Variants in UNC5D observed in about 807,000 individuals in gnomAD.
The protein encoded by UNC5D is netrin receptor UNC5D.
UNC5D carries 39 observed loss-of-function variants against 105.4 expected under a neutral mutation model. The observed-to-expected ratio is 0.37, with a 90% confidence interval of 0.29 to 0.48. The LOEUF is 0.48. Ranked by LOEUF, UNC5D falls within the 20% of genes least tolerant of loss-of-function variation. The pLI is 0.98. For missense variants in UNC5D, 991 were observed against 1,202.4 expected, an observed-to-expected ratio of 0.82 and a Z score of 2.60; for synonymous variants, 452 against 450.4, an observed-to-expected ratio of 1.00 and a Z score of -0.04.
intron 1 of UNC5D, among the ~76,000 whole-genome samples, chr8:35,368,143 G>A (rs1358564): frequency 0.53 from 80,760 of 152,010 alleles, 22,194 homozygotes; most frequent in East Asian, 0.7. Context: ...CAACTATAAT[G>A]AGAGTACTAT....
intron 1 of UNC5D, among the ~76,000 whole-genome samples, chr8:35,324,146 T>C (rs1809963520): frequency 6.9e-6 from 1 of 144,348 alleles, no homozygotes; most frequent in Admixed American, 7.4e-5. Flanking sequence ...TGCAGGAGTA[T>C]CACTGGAGCC....
intron 1 of UNC5D, among the ~76,000 whole-genome samples, chr8:35,489,017 T>A (rs1811019420): frequency 6.6e-6 from 1 of 151,962 alleles, no homozygotes; most frequent in Admixed American, 6.6e-5. Flanking sequence ...CAATTTTTTT[T>A]TTTTTTTGAG....
intron 1 of UNC5D, among the ~76,000 whole-genome samples, chr8:35,363,604 CATTGT>C (rs1363731623): frequency 6.6e-6 from 1 of 152,120 alleles, no homozygotes; most frequent in Non-Finnish European, 1.5e-5. Context: ...GCCTTCTCTG[CATTGT>C]ATTAGGAGGC....
chr8:35,468,328 C>T (rs1009418311), intron 1 of UNC5D, among the ~76,000 whole-genome samples: 2 of 152,154 alleles, frequency 1.3e-5, no homozygotes, highest in African/African-American at 4.8e-5. Flanking sequence ...CTCTGTTTGC[C>T]TGCACTCTTT....
At chr8:35,620,161 A>T (rs1347804415) in intron 4 of UNC5D, among the ~76,000 whole-genome samples, 2 of 152,192 alleles carry the variant, frequency 1.3e-5, no homozygotes, top group African/African-American at 4.8e-5. Flanking sequence ...TTTGACAAAG[A>T]CTTTGAAGAT....
At chr8:35,464,965 T>C (rs1809192350) in intron 1 of UNC5D, among the ~76,000 whole-genome samples, 1 of 152,218 alleles carries the variant, frequency 6.6e-6, no homozygotes, top group South Asian at 2.1e-4. Context: ...AATCCCCATA[T>C]GAGTTCTGGC....
At chr8:35,472,100 G>A (rs1315875040) in intron 1 of UNC5D, among the ~76,000 whole-genome samples, 1 of 152,166 alleles carries the variant, frequency 6.6e-6, no homozygotes, top group Non-Finnish European at 1.5e-5. Flanking sequence ...TACTTATGTA[G>A]AAATGAAAGA....
chr8:35,706,523 G>A (rs1275838482), intron 8 of UNC5D, among the ~76,000 whole-genome samples: 1 of 152,174 alleles, frequency 6.6e-6, no homozygotes, highest in Non-Finnish European at 1.5e-5. Context: ...GGAGAGAGGA[G>A]ATGGCTGGAA....
chr8:35,383,968 G>C (rs1803208015), intron 1 of UNC5D, among the ~76,000 whole-genome samples: 1 of 152,034 alleles, frequency 6.6e-6, no homozygotes, highest in Admixed American at 6.5e-5. Context: ...TGTCATCCCA[G>C]CACTTTGGGG....
chr8:35,350,029 GTTA>G (rs960143995), intron 1 of UNC5D, among the ~76,000 whole-genome samples: 2 of 151,680 alleles, frequency 1.3e-5, no homozygotes, highest in African/African-American at 4.8e-5. Flanking sequence ...ATATTCTTGT[GTTA>G]TTATTAAATT....
chr8:35,281,526 G>T (rs1156925069), intron 1 of UNC5D, among the ~76,000 whole-genome samples: 1 of 151,216 alleles, frequency 6.6e-6, no homozygotes, highest in Admixed American at 6.6e-5. Context: ...TGCAACCTCC[G>T]CCTCCCGGGT....
intron 1 of UNC5D, among the ~76,000 whole-genome samples, chr8:35,538,394 A>ATTTT (rs1423253688): frequency 1.1e-5 from 1 of 87,554 alleles, no homozygotes; most frequent in African/African-American, 4.1e-5. Flanking sequence ...AAAAAAAATA[A>ATTTT]TTATATATAT....
chr8:35,467,508 T>C lies in UNC5D; in HGVS notation c.104-81784T>C, dbSNP rs557051794. 1.2e-3 allele frequency among the ~76,000 whole-genome samples: 182 copies of C among 150,488 alleles called. 1 individual carries two copies. The highest frequency in any genetic ancestry group is 4.2e-3 in the African/African-American group (171 of 40,774). ...CATCCTCTTAGATATGCAGCATTAA[T>C]GTTCAAACTAATCCAGAACCTTTAT... On this transcript the variant is annotated intron_variant, in intron 1 of 16. Transcript: ENST00000404895.
intron 1 of UNC5D, among the ~76,000 whole-genome samples, chr8:35,313,308 C>T (rs2128879804): frequency 6.6e-6 from 1 of 152,238 alleles, no homozygotes; most frequent in African/African-American, 2.4e-5. Flanking sequence ...CCTTTAATAT[C>T]ATGATGCTCT....
chr8:35,655,415 T>C (rs1347437068), intron 4 of UNC5D, among the ~76,000 whole-genome samples: 2 of 152,172 alleles, frequency 1.3e-5, no homozygotes, highest in African/African-American at 4.8e-5. Flanking sequence ...GAGTCATACT[T>C]AGAGATAATG....
intron 3 of UNC5D, 84 bp downstream of exon 3, chr8:35,568,325 A>C: frequency 6.6e-7 from 1 of 1,504,076 alleles, no homozygotes; most frequent in Non-Finnish European, 9.0e-7. Flanking sequence ...CAGATGTCAG[A>C]TGCTTCTACA....
chr8:35,399,993 T>A (rs1193278082), intron 1 of UNC5D, among the ~76,000 whole-genome samples: 1 of 152,126 alleles, frequency 6.6e-6, no homozygotes, highest in Non-Finnish European at 1.5e-5. Flanking sequence ...AACTACCACT[T>A]CTTCTGCCTT....
At chr8:35,502,114 G>A (rs1812011285) in intron 1 of UNC5D, among the ~76,000 whole-genome samples, 1 of 152,182 alleles carries the variant, frequency 6.6e-6, no homozygotes, top group Non-Finnish European at 1.5e-5. Flanking sequence ...TACATATAAT[G>A]TGTTGGTCTC....
rs564054312 is a variant in UNC5D at position 35,364,295 on chromosome 8, A to G, written c.103+128408A>G. On this transcript the variant is annotated intron_variant, in intron 1 of 16. Coordinates refer to ENST00000404895, the MANE Select transcript of UNC5D (RefSeq NM_080872.4). Reference sequence around the variant, plus strand: ...TTATATTAGCATGAGCTCATGGATTATTATGCTTTTGGTTCAGTTTTCATT... The same window carrying G: ...TTATATTAGCATGAGCTCATGGATTGTTATGCTTTTGGTTCAGTTTTCATT... 3.3e-5 allele frequency among the ~76,000 whole-genome samples: 5 copies of G among 152,182 alleles called. No individual in the cohort carries two copies. In the South Asian group the frequency reaches 1.0e-3, roughly 32 times the overall value.
Sources: gnomAD v4.1 joint callset for allele counts (sites outside exome capture counted in the v4.1 genomes callset) on GRCh38, gnomAD v4.1.1 for gene constraint, MANE v1.5 for transcripts, NCBI Gene and HGNC (gene_info 2026-07-23, HGNC 2026-07-21) for gene names.